The following ZDHHC7 variants were observed in gnomAD, a reference collection of about 807,000 sequenced individuals.
ZDHHC7 encodes the protein zDHHC palmitoyltransferase 7, also known as palmitoyltransferase ZDHHC7.
In ZDHHC7, 12 loss-of-function variants were observed where a neutral mutation model predicts 34.1. The observed-to-expected ratio is 0.35, with a 90% CI of 0.23 to 0.57. The LOEUF (loss-of-function observed/expected upper bound fraction) is 0.57. Among genes scored for constraint, ZDHHC7 ranks in the 20% least tolerant of loss-of-function variants. The pLI is 0.84. For missense variants in ZDHHC7, 388 were observed against 402.7 expected (o/e 0.96, Z 0.31); for synonymous variants, 185 against 155.4 (o/e 1.19, Z -1.42).
the ZDHHC7 span, among the ~76,000 whole-genome samples, chr16:85,016,854 G>A: frequency 3.7e-3 from 565 of 152,120 alleles, 7 homozygotes; most frequent in African/African-American, 0.013. Context: ...GTGATATGTG[G>A]TCTTCTGCCA....
the ZDHHC7 span, among the ~76,000 whole-genome samples, chr16:85,025,479 G>A: frequency 1.3e-4 from 20 of 152,140 alleles, no homozygotes; most frequent in Middle Eastern, 3.4e-3. Context: ...CGCGATCTCA[G>A]CTCACTGCAA....
chr16:84,976,423 A>G lies in ZDHHC7; in HGVS notation c.847T>C (p.Trp283Arg). 6.2e-7 allele frequency: 1 copy of G among 1,614,106 alleles called. No homozygotes were observed. The highest frequency in any genetic ancestry group is 8.5e-7 in the Non-Finnish European group (1 of 1,179,986). The change falls in exon 8 of 8, where the codon TGG becomes CGG. Residue 283 changes from tryptophan to arginine, a missense_variant. Transcript: ENST00000313732. Reference sequence around the variant, plus strand: ...CGGAAGCCCACAAAGGGATTCATCCAGAGGAGTGAGGGGGGCCCCCCAAAG... The same window carrying G: ...CGGAAGCCCACAAAGGGATTCATCCGGAGGAGTGAGGGGGGCCCCCCAAAG... ...SVFGGPPSLL[W>R]MNPFVGFRFR...
chr16:85,000,972 A>G (rs2072644952), intron 1 of ZDHHC7, among the ~76,000 whole-genome samples: 1 of 152,236 alleles, frequency 6.6e-6, no homozygotes, highest in Non-Finnish European at 1.5e-5. Context: ...GGGCCCCAGC[A>G]GACCAGAAAG....
chr16:85,009,725 T>G (rs2072764168), intron 1 of ZDHHC7, among the ~76,000 whole-genome samples: 1 of 148,380 alleles, frequency 6.7e-6, no homozygotes, highest in African/African-American at 2.5e-5. Context: ...TTTTTTTTTT[T>G]TGAGACGGAG....
intron 1 of ZDHHC7, among the ~76,000 whole-genome samples, chr16:85,008,307 C>G (rs2072744500): frequency 6.6e-6 from 1 of 151,920 alleles, no homozygotes; most frequent in Admixed American, 6.5e-5. Flanking sequence ...ATAATGGGGC[C>G]TCAATAAAAA....
Position 84,977,983 on chromosome 16 carries a change from A to G in ZDHHC7, c.560T>C (p.Val187Ala). The change falls in exon 6 of 8, where the codon GTC (valine) becomes GCC (alanine). Residue 187 changes from valine (V) to alanine (A), a missense_variant. Physicochemically the swap from Val to Ala is moderately conservative, Grantham distance 64 (BLOSUM62 0). Transcript: ENST00000313732. The part of the protein sequence containing the change: ...LFTMYIALSS[V>A]HALILCGFQF... ...AAATCCACAAAGGATCAGAGCATGG[A>G]CTGAAGACAGAGCTATATACATCTA... 6.2e-7 allele frequency: 1 copy of G among 1,614,012 alleles called. No homozygotes were observed. The highest frequency in any genetic ancestry group is 1.1e-5 in the South Asian group (1 of 91,076).
At chr16:84,997,130 C>G (rs2072589470) in intron 1 of ZDHHC7, among the ~76,000 whole-genome samples, 1 of 151,846 alleles carries the variant, frequency 6.6e-6, no homozygotes, top group Non-Finnish European at 1.5e-5. Context: ...AAGAAAATGT[C>G]AACAAGGCAT....
At chr16:85,018,929 C>G in the ZDHHC7 span, among the ~76,000 whole-genome samples, 1 of 152,160 alleles carries the variant, frequency 6.6e-6, no homozygotes, top group Non-Finnish European at 1.5e-5. Context: ...AATTCCACAA[C>G]CTGTGGTAGA....
chr16:84,990,659 C>T (rs764769407), intron 2 of ZDHHC7, 24 bp from the exon 3 acceptor site: 9 of 1,583,636 alleles, frequency 5.7e-6, no homozygotes, highest in Admixed American at 5.2e-5. Flanking sequence ...CGACACAGAG[C>T]TGGTAAGGCT....
chr16:84,977,303 T>C, intron 6 of ZDHHC7, 78 bp from the exon 7 acceptor site: 1 of 1,560,030 alleles, frequency 6.4e-7, no homozygotes, highest in South Asian at 1.2e-5. Flanking sequence ...AGAAGAATCC[T>C]CTAGGGCCAG....
At chr16:85,004,620 T>G (rs1241560905) in intron 1 of ZDHHC7, among the ~76,000 whole-genome samples, 2 of 131,474 alleles carry the variant, frequency 1.5e-5, no homozygotes, top group Non-Finnish European at 3.2e-5. Flanking sequence ...AGCCTCTCCC[T>G]GGCTGCTTGT....
chr16:84,974,685 A>C lies in ZDHHC7; in HGVS notation c.*1658T>G, dbSNP rs2072271469. ...CAATGTGCAAATGAATATGCAGAAC[A>C]ATCTCGGAAACTGGCGTCTCCAGGA... On this transcript the variant is annotated 3_prime_UTR_variant, in exon 8 of 8. Coordinates refer to ENST00000313732, the MANE Select transcript of ZDHHC7 (RefSeq NM_017740.3). The C allele has an allele frequency of 6.5e-6, 1 of 152,738 alleles. No individual in the cohort carries two copies. The highest frequency in any genetic ancestry group is 6.5e-5 in the Admixed American group (1 of 15,286). 9.5% of individuals were successfully genotyped at this position (152,738 alleles called of 1,614,324 possible). A position where few individuals can be genotyped will look rare whatever the true frequency, so the allele number is the denominator to read the frequency against.
At chr16:84,980,835 T>A (rs1007934606) in intron 4 of ZDHHC7, among the ~76,000 whole-genome samples, 1 of 152,200 alleles carries the variant, frequency 6.6e-6, no homozygotes, top group African/African-American at 2.4e-5. Context: ...ACTGCCTATT[T>A]CTAACCCCAG....
At chr16:85,017,281 C>T in the ZDHHC7 span, among the ~76,000 whole-genome samples, 1 of 152,162 alleles carries the variant, frequency 6.6e-6, no homozygotes, top group Non-Finnish European at 1.5e-5. Context: ...TCTCATTAGT[C>T]ATCAGGGAAA....
chr16:85,006,915 C>A (rs1397764100), intron 1 of ZDHHC7, among the ~76,000 whole-genome samples: 2 of 152,006 alleles, frequency 1.3e-5, no homozygotes, highest in African/African-American at 4.8e-5. Flanking sequence ...TGTGGTTTTG[C>A]TCCTGTTTCC....
intron 2 of ZDHHC7, among the ~76,000 whole-genome samples, chr16:84,992,086 G>C (rs2072517018): frequency 6.6e-6 from 1 of 151,552 alleles, no homozygotes. Context: ...TGAGGCAGGA[G>C]AATCACTTGA....
chr16:84,995,373 C>A (rs2072563133), intron 2 of ZDHHC7, among the ~76,000 whole-genome samples: 1 of 152,244 alleles, frequency 6.6e-6, no homozygotes, highest in South Asian at 2.1e-4. Flanking sequence ...CGCCTGTAAT[C>A]CCAGCACTTT....
Position 84,975,962 on chromosome 16 carries a change from G to A in ZDHHC7, c.*381C>T. 2 of 225,498 alleles carry A rather than the reference G, an allele frequency of 8.9e-6. No individual in the cohort carries two copies. The highest frequency in any genetic ancestry group is 1.3e-4 in the South Asian group (2 of 15,638). The allele number at this position is 225,498 out of a possible 1,614,324, so 14.0% of individuals were successfully genotyped here. On this transcript the variant is annotated 3_prime_UTR_variant, in exon 8 of 8. Coordinates refer to ENST00000313732, the MANE Select transcript of ZDHHC7 (RefSeq NM_017740.3). The stretch of plus-strand genomic sequence containing the variant: ...GTGGCGGGGTCAGCAGGAGCCCCCT[G>A]AAATGACTGCTTGGAGAATCCCTGT...
At chr16:84,984,526 T>C (rs1226761607) in intron 3 of ZDHHC7, among the ~76,000 whole-genome samples, 1 of 152,146 alleles carries the variant, frequency 6.6e-6, no homozygotes, top group African/African-American at 2.4e-5. Context: ...GCAAATATGA[T>C]ACGATGTGGC....
Sources: gnomAD v4.1 joint callset for allele counts (sites outside exome capture counted in the v4.1 genomes callset) on GRCh38, gnomAD v4.1.1 for gene constraint, MANE v1.5 for transcripts, NCBI Gene and HGNC (gene_info 2026-07-23, HGNC 2026-07-21) for gene names.